DENND2B: variants seen among roughly 807,000 people sequenced by gnomAD.
The protein encoded by DENND2B is DENN domain-containing protein 2B.
Under a neutral mutation model 116.0 loss-of-function variants are expected in DENND2B, and 32 were observed. That is an observed-to-expected ratio of 0.28 (90% CI 0.21 to 0.37). The LOEUF is 0.37. Ranked by LOEUF, DENND2B falls within the 10% of genes least tolerant of loss-of-function variation. The probability of loss-of-function intolerance (pLI) is 1.00; values close to 1 mark genes in which losing one functional copy is unlikely to be tolerated. For missense variants in DENND2B, 1,276 were observed against 1,477.7 expected, an observed-to-expected ratio of 0.86 and a Z score of 2.24; for synonymous variants, 588 against 583.9, an observed-to-expected ratio of 1.01 and a Z score of -0.10.
intron 4 of DENND2B, chr11:8,719,253 G>A (rs2045699137): frequency 1.0e-6 from 1 of 983,562 alleles, no homozygotes; most frequent in Non-Finnish European, 1.2e-6. Context: ...CATTTCCAAA[G>A]TGGAGCTCCC....
chr11:8,734,374 G>A (rs947618380), intron 2 of DENND2B, among the ~76,000 whole-genome samples: 1 of 151,946 alleles, frequency 6.6e-6, no homozygotes, highest in Non-Finnish European at 1.5e-5. Flanking sequence ...GAGAGGGTAA[G>A]AACATCACAG....
chr11:8,711,275 C>T lies in DENND2B; in HGVS notation c.2173-44G>A, dbSNP rs774699575. 6.3e-6 allele frequency: 10 copies of T among 1,586,598 alleles called. No individual in the cohort carries two copies. The Admixed American group carries it at 6.7e-5, about 11-fold the overall frequency. ...CAGGAGATGACATGGAACCTGAGGGCGGGTGGTGGTGGCTGAGAAGCCCCT... is the reference window on the plus strand; with the variant it reads ...CAGGAGATGACATGGAACCTGAGGGTGGGTGGTGGTGGCTGAGAAGCCCCT... On this transcript the variant is annotated intron_variant, in intron 9 of 19. Coordinates refer to ENST00000313726, the MANE Select transcript of DENND2B (RefSeq NM_213618.2).
intron 11 of DENND2B, among the ~76,000 whole-genome samples, chr11:8,710,088 T>C (rs1324722190): frequency 6.6e-6 from 1 of 152,136 alleles, no homozygotes; most frequent in African/African-American, 2.4e-5. Flanking sequence ...CCTGCCCCCT[T>C]CATCTACCCC....
chr11:8,828,143 C>A (rs2062049034), intron 4 of DENND2B, among the ~76,000 whole-genome samples: 1 of 152,124 alleles, frequency 6.6e-6, no homozygotes, highest in Non-Finnish European at 1.5e-5. Context: ...CTTGAGTTCT[C>A]AAGGAAGAGA....
At chr11:8,771,159 A>G (rs1445071101) in intron 1 of DENND2B, among the ~76,000 whole-genome samples, 1 of 152,228 alleles carries the variant, frequency 6.6e-6, no homozygotes, top group Non-Finnish European at 1.5e-5. Flanking sequence ...GGGATGCACA[A>G]GGAGCTGTGG....
chr11:8,873,270 T>C (rs956150381), upstream of DENND2B, among the ~76,000 whole-genome samples: 2 of 152,216 alleles, frequency 1.3e-5, no homozygotes, highest in Non-Finnish European at 2.9e-5. Flanking sequence ...ATTTTCATCA[T>C]TGGCAGCTGC....
At chr11:8,780,287 A>G (rs139957270) in intron 1 of DENND2B, among the ~76,000 whole-genome samples, 4 of 152,356 alleles carry the variant, frequency 2.6e-5, no homozygotes, top group African/African-American at 9.6e-5. Flanking sequence ...TAAATCTCAT[A>G]AATACCAGGA....
intron 4 of DENND2B, among the ~76,000 whole-genome samples, chr11:8,827,738 T>C (rs2062034200): frequency 6.6e-6 from 1 of 152,236 alleles, no homozygotes; most frequent in African/African-American, 2.4e-5. Context: ...TAAATAAGAC[T>C]GTCTCAGCAA....
At chr11:8,733,280 A>G (rs1259425227) in intron 2 of DENND2B, among the ~76,000 whole-genome samples, 1 of 152,172 alleles carries the variant, frequency 6.6e-6, no homozygotes, top group Admixed American at 6.5e-5. Context: ...CTCTTATTTT[A>G]TAGAACCATA....
At chr11:8,837,133 A>C (rs1410056306) in intron 4 of DENND2B, among the ~76,000 whole-genome samples, 1 of 152,254 alleles carries the variant, frequency 6.6e-6, no homozygotes, top group South Asian at 2.1e-4. Context: ...CAAATCTTTA[A>C]CTGGAACAAA....
chr11:8,715,761 T>G lies in DENND2B; in HGVS notation c.1687A>C (p.Ser563Arg), dbSNP rs749864388. ...TTGGGTAATCGTGGCAGCCGGTGGC[T>G]CTTCCTTTCTGACCAGTTCCCACTG... The part of the protein sequence containing the change: ...LRSGNWSERK[S>R]HRLPRLPKRH... The change falls in exon 6 of 20, where the codon AGC (serine) becomes CGC (arginine). Residue 563 changes from serine to arginine, a missense_variant. Transcript: ENST00000313726. The G allele has an allele frequency of 1.2e-6, 2 of 1,613,834 alleles. No homozygotes were observed. Among genetic ancestry groups the G allele is most frequent in the South Asian group, 2.2e-5 (2 of 91,068 alleles).
At chr11:8,716,137 G>C (rs1310621430) in intron 5 of DENND2B, among the ~76,000 whole-genome samples, 1 of 152,192 alleles carries the variant, frequency 6.6e-6, no homozygotes, top group Non-Finnish European at 1.5e-5. Flanking sequence ...CTGAGCTATG[G>C]GACAAGAATT....
chr11:8,841,297 T>G (rs11042097), intron 3 of DENND2B, among the ~76,000 whole-genome samples: 41,212 of 152,040 alleles, frequency 0.27, 5,895 homozygotes, highest in East Asian at 0.54. Flanking sequence ...AAATTTAAAA[T>G]TTTTCCTATA....
chr11:8,828,845 C>T (rs1443130938), intron 4 of DENND2B, among the ~76,000 whole-genome samples: 4 of 151,906 alleles, frequency 2.6e-5, no homozygotes, highest in Non-Finnish European at 5.9e-5. Context: ...CAGACAAGAG[C>T]GGGGAGCAGA....
intron 2 of DENND2B, chr11:8,880,965 C>G (rs972087810): frequency 4.6e-5 from 7 of 152,264 alleles, no homozygotes; most frequent in South Asian, 2.1e-4. Context: ...CATCTCCTGT[C>G]TCAGAAGCAT....
At chr11:8,872,178 A>G (rs144554938), upstream of DENND2B, among the ~76,000 whole-genome samples, 34 of 152,348 alleles carry the variant, frequency 2.2e-4, no homozygotes, top group East Asian at 5.8e-3. Flanking sequence ...GCAAGCATCA[A>G]AAATAATGAG....
In DENND2B at chr11:8,730,591, G is replaced by C. The variant is rs549165405; in HGVS notation, c.699C>G (p.Ser233=). 4.4e-5 allele frequency: 71 copies of C among 1,613,030 alleles called. No homozygotes were observed. Among genetic ancestry groups the C allele is most frequent in the Admixed American group, 6.7e-5 (4 of 60,010 alleles). The part of the protein sequence containing the change: ...KGLRRMSRTF[S]ECSYPETEEE... ...CCTCAGTCTCTGGGTAGGAACACTC[G>C]GAGAAGGTCCTGCTCATCCTCCGGA... Residue 233 remains serine, a synonymous_variant, in exon 3 of 20, where the codon TCC becomes TCG. Transcript: ENST00000313726. This position sits in a 1 kb window ranked among gnomAD's most constrained non-coding sequence, Gnocchi z 4.1.
chr11:8,883,132 G>C (rs1426781635), intron 1 of DENND2B, among the ~76,000 whole-genome samples: 1 of 152,166 alleles, frequency 6.6e-6, no homozygotes, highest in Non-Finnish European at 1.5e-5. Flanking sequence ...TGCTCACCCA[G>C]ATGGGTACCT....
chr11:8,876,931 G>T (rs1448457411), intron 2 of DENND2B, among the ~76,000 whole-genome samples: 1 of 150,188 alleles, frequency 6.7e-6, no homozygotes, highest in South Asian at 2.1e-4. Context: ...AAGGCAGCTT[G>T]ACTGCTGATG....
Sources: allele counts gnomAD v4.1 joint callset (sites outside exome capture counted in the v4.1 genomes callset), GRCh38; gene constraint gnomAD v4.1.1; non-coding constraint Gnocchi (gnomAD v3.1); transcripts MANE v1.5; gene names NCBI Gene and HGNC (gene_info 2026-07-23, HGNC 2026-07-21).